SMTNL2: variants seen among roughly 807,000 people sequenced by gnomAD.
SMTNL2 encodes the protein smoothelin-like protein 2.
A neutral mutation model predicts 44.1 loss-of-function variants in SMTNL2; 43 were observed. The ratio of observed to expected loss-of-function variants is 0.98; its 90% confidence interval spans 0.76 to 1.26. The LOEUF is 1.26. Ranked by LOEUF, SMTNL2 falls within the 50% of genes most tolerant of loss-of-function variation. SMTNL2 has a pLI of 0.00. For missense variants in SMTNL2, 646 were observed against 670.2 expected, an observed-to-expected ratio of 0.96 and a Z score of 0.40; for synonymous variants, 317 against 287.6, an observed-to-expected ratio of 1.10 and a Z score of -1.03.
chr17:4,588,016 C>T (rs1302920928), intron 1 of SMTNL2, among the ~76,000 whole-genome samples: 3 of 152,254 alleles, frequency 2.0e-5, no homozygotes, highest in African/African-American at 7.2e-5. Context: ...AGCCCCATGT[C>T]AGAGGCCCGA....
At chr17:4,594,657 C>G (rs1050481507) in intron 4 of SMTNL2, among the ~76,000 whole-genome samples, 3 of 151,936 alleles carry the variant, frequency 2.0e-5, no homozygotes, top group African/African-American at 7.2e-5. Flanking sequence ...AGGCCTCCCC[C>G]CAGCCAGCCA....
In SMTNL2 at chr17:4,601,145, A is replaced by C. The variant is rs531810620; in HGVS notation, c.1259+3822A>C. Among the ~76,000 whole-genome samples the C allele has an allele frequency of 8.6e-4, 131 of 152,334 alleles. 3 individuals are homozygous for C. The South Asian group carries it at 0.013, about 15-fold the overall frequency. On this transcript the variant is annotated intron_variant, in intron 7 of 7. Coordinates refer to ENST00000389313, the MANE Select transcript of SMTNL2 (RefSeq NM_001114974.2). ...CGGGATTGGCCGCGCACAGTGGCTC[A>C]TGCCTGCGATCCAATCCCAGGACTT... is the stretch of plus-strand genomic sequence containing the variant.
At chr17:4,596,333 C>A (rs1451045138) in intron 5 of SMTNL2, among the ~76,000 whole-genome samples, 1 of 152,238 alleles carries the variant, frequency 6.6e-6, no homozygotes, top group Non-Finnish European at 1.5e-5. Flanking sequence ...GGGACCGACC[C>A]CGGACATCTC....
Position 4,607,403 on chromosome 17 carries a change from G to C in SMTNL2, c.1302G>C (p.Met434Ile). ...AGCGCCTCATCGAAGTGGAGGACAT[G>C]ATGGTGATGGGCCGCAAGCCGGACC... Reference protein sequence around the residue: ...NCERLIEVEDMMVMGRKPDPM... With the variant: ...NCERLIEVEDIMVMGRKPDPM... The change falls in exon 8 of 8, where the codon ATG becomes ATC. Residue 434 changes from methionine to isoleucine, a missense_variant. Met to Ile is a conservative substitution (Grantham distance 10). Coordinates refer to ENST00000389313, the MANE Select transcript of SMTNL2 (RefSeq NM_001114974.2). The surrounding 1 kb of genome is among the most constrained non-coding windows in gnomAD (Gnocchi z 4.7). 1 of 1,614,208 alleles carries C rather than the reference G, an allele frequency of 6.2e-7. No homozygotes were observed. Among genetic ancestry groups the C allele is most frequent in the Non-Finnish European group, 8.5e-7 (1 of 1,180,038 alleles).
chr17:4,595,400 A>G lies in SMTNL2; in HGVS notation c.989+73A>G, dbSNP rs1909769826. On this transcript the variant is annotated intron_variant, in intron 5 of 7. Transcript: ENST00000389313. The surrounding 1 kb of genome is among the most constrained non-coding windows in gnomAD (Gnocchi z 5.1). ...ACCCAGACGGGGCTTGGGTGGGTGC[A>G]GCAGGGCAAGGTTCAGCCCTGTCCT... 2.6e-6 allele frequency: 4 copies of G among 1,553,716 alleles called. No homozygotes were observed. The highest frequency in any genetic ancestry group is 1.8e-5 in the Admixed American group (1 of 55,170).
rs952670388 is a variant in SMTNL2, at chr17:4,598,235, G to A, written c.1259+912G>A. 6.6e-6 allele frequency among the ~76,000 whole-genome samples: 1 copy of A among 152,158 alleles called. No individual in the cohort carries two copies. Among genetic ancestry groups the A allele is most frequent in the Non-Finnish European group, 1.5e-5 (1 of 68,014 alleles). On this transcript the variant is annotated intron_variant, in intron 7 of 7. Transcript: ENST00000389313. The surrounding 1 kb of genome is among the most constrained non-coding windows in gnomAD (Gnocchi z 4.8). Reference sequence around the variant, plus strand: ...AGTGTCCCAACCTCATTCCCCTCCTGCCTCACGCCAGGGCCTCATGGTGAC... The same window carrying A: ...AGTGTCCCAACCTCATTCCCCTCCTACCTCACGCCAGGGCCTCATGGTGAC...
chr17:4,589,044 G>C (rs1909455886), intron 1 of SMTNL2, among the ~76,000 whole-genome samples: 1 of 152,072 alleles, frequency 6.6e-6, no homozygotes, highest in African/African-American at 2.4e-5. Flanking sequence ...GGGGAGCTTG[G>C]GAGTCTGGGC....
At chr17:4,605,335 A>T (rs117912657) in intron 7 of SMTNL2, among the ~76,000 whole-genome samples, 4,033 of 150,520 alleles carry the variant, frequency 0.027, 90 homozygotes, top group Non-Finnish European at 0.04. Context: ...AATTTTTAAA[A>T]CTTTTTATAG....
intron 7 of SMTNL2, 150 bp downstream of exon 7, chr17:4,597,473 G>A (rs1031313362): frequency 2.7e-6 from 3 of 1,092,924 alleles, no homozygotes; most frequent in East Asian, 2.6e-5. Flanking sequence ...TGTACCTCTT[G>A]TGCAGATGGG....
rs563872682 is a variant in SMTNL2 at position 4,592,291 on chromosome 17, G to C, written c.400-70G>C. The C allele has an allele frequency of 3.4e-6, 5 of 1,456,622 alleles. No individual in the cohort carries two copies. Among genetic ancestry groups the C allele is most frequent in the Middle Eastern group, 2.2e-4 (1 of 4,478 alleles). 90.2% of individuals were successfully genotyped at this position (1,456,622 alleles called of 1,614,324 possible). A position where few individuals can be genotyped will look rare whatever the true frequency, so the allele number is the denominator to read the frequency against. ...TGCCAGAACGGGAGGGGATTTGGGGGTGGGCAGCTTTTGGGGGTGGGCAGC... is the reference window on the plus strand; with the variant it reads ...TGCCAGAACGGGAGGGGATTTGGGGCTGGGCAGCTTTTGGGGGTGGGCAGC... On this transcript the variant is annotated intron_variant, in intron 1 of 7. Transcript: ENST00000389313. This position sits in a 1 kb window ranked among gnomAD's most constrained non-coding sequence, Gnocchi z 4.5.
intron 1 of SMTNL2, among the ~76,000 whole-genome samples, chr17:4,590,718 C>T (rs1007251003): frequency 1.3e-5 from 2 of 152,120 alleles, no homozygotes; most frequent in African/African-American, 2.4e-5. Context: ...CCTTCTTGCC[C>T]GTGGCCCTCC....
chr17:4,607,482 G>T lies in SMTNL2; in HGVS notation c.1381G>T (p.Glu461Ter). ...GCTGTACAACCACCTGCGTCGCTTC[G>T]AGTAAAGCCCCTGAGCCTGGATTGC... ...QSLYNHLRRFE is the reference protein window; with the variant it reads ...QSLYNHLRRF The change falls in exon 8 of 8, where the codon GAG becomes TAG. Residue 461 changes from glutamate (E) to a stop codon, truncating the protein, a stop_gained. Coordinates refer to ENST00000389313, the MANE Select transcript of SMTNL2 (RefSeq NM_001114974.2). LOFTEE classifies it high-confidence loss of function. This position sits in a 1 kb window ranked among gnomAD's most constrained non-coding sequence, Gnocchi z 4.7. 6.2e-7 allele frequency: 1 copy of T among 1,613,998 alleles called. No homozygotes were observed. Among genetic ancestry groups the T allele is most frequent in the Non-Finnish European group, 8.5e-7 (1 of 1,179,920 alleles).
intron 7 of SMTNL2, 71 bp downstream of exon 7, chr17:4,597,394 G>C: frequency 6.3e-7 from 1 of 1,577,094 alleles, no homozygotes; most frequent in Non-Finnish European, 8.6e-7. Context: ...CCCCAGGTGG[G>C]GCATGGGGGC....
At chr17:4,587,780 C>A (rs1017571262) in intron 1 of SMTNL2, among the ~76,000 whole-genome samples, 1 of 152,224 alleles carries the variant, frequency 6.6e-6, no homozygotes, top group Non-Finnish European at 1.5e-5. Flanking sequence ...ATATAAATGT[C>A]CCCTGAACTC....
At chr17:4,603,967 C>T (rs901122230) in intron 7 of SMTNL2, among the ~76,000 whole-genome samples, 7 of 152,140 alleles carry the variant, frequency 4.6e-5, no homozygotes, top group African/African-American at 7.2e-5. Context: ...GCCTCAGCCT[C>T]CCGAGTAGCT....
At chr17:4,588,481 C>T (rs1319686275) in intron 1 of SMTNL2, among the ~76,000 whole-genome samples, 3 of 152,184 alleles carry the variant, frequency 2.0e-5, no homozygotes, top group Non-Finnish European at 2.9e-5. Context: ...GGCTCTCCAG[C>T]GATTTCTGCC....
chr17:4,603,315 G>A (rs1910122119), intron 7 of SMTNL2, among the ~76,000 whole-genome samples: 1 of 152,110 alleles, frequency 6.6e-6, no homozygotes, highest in South Asian at 2.1e-4. Context: ...AGAAAGACAT[G>A]GAAGGAAGGT....
chr17:4,602,600 G>C (rs1222981169), intron 7 of SMTNL2, among the ~76,000 whole-genome samples: 1 of 152,126 alleles, frequency 6.6e-6, no homozygotes, highest in East Asian at 1.9e-4. Context: ...TGGGATTACA[G>C]GCTTGAGCCA....
chr17:4,586,986 G>C (rs1158010342), intron 1 of SMTNL2, among the ~76,000 whole-genome samples: 1 of 152,186 alleles, frequency 6.6e-6, no homozygotes, highest in Non-Finnish European at 1.5e-5. Context: ...GCTCCACACA[G>C]TGAGCAAGCC....
Sources: allele counts gnomAD v4.1 joint callset (sites outside exome capture counted in the v4.1 genomes callset), GRCh38; gene constraint gnomAD v4.1.1; non-coding constraint Gnocchi (gnomAD v3.1); transcripts MANE v1.5; gene names NCBI Gene and HGNC (gene_info 2026-07-23, HGNC 2026-07-21).